PEMT: variants seen among roughly 807,000 people sequenced by gnomAD.
PEMT encodes phospholipid methyltransferase.
PEMT carries 23 observed loss-of-function variants against 27.4 expected under a neutral mutation model. The ratio of observed to expected loss-of-function variants is 0.84; its 90% CI spans 0.60 to 1.19. The LOEUF (loss-of-function observed/expected upper bound fraction) is 1.19. Ranked by LOEUF, PEMT falls within the 50% of genes most tolerant of loss-of-function variation. The pLI is 0.00. For missense variants in PEMT, 307 were observed against 310.1 expected (o/e 0.99, Z 0.07); for synonymous variants, 137 against 139.1 (o/e 0.98, Z 0.11).
chr17:17,508,714 A>AC (rs1906102811), intron 5 of PEMT: 4 of 452,348 alleles, frequency 8.8e-6, no homozygotes, highest in Admixed American at 7.6e-5. Flanking sequence ...AGGTCCTCTG[A>AC]CCCGCCGGGG....
upstream of PEMT, chr17:17,592,059 G>C: frequency 1.0e-6 from 1 of 985,442 alleles, no homozygotes; most frequent in Non-Finnish European, 1.2e-6. Context: ...GCCTCCTGCG[G>C]ACTTGGACTT....
Position 17,577,041 on chromosome 17 carries a change from G to GCTA in PEMT, c.97-17_97-15dup. ...GCAGAAGTCTGCCTGCAGGGACAGA[G>GCTA]CTAGCATCAGCACCACCCAGACACA... On this transcript the variant is annotated splice_polypyrimidine_tract_variant and intron_variant, in intron 1 of 6. Coordinates refer to ENST00000255389, the MANE Select transcript of PEMT (RefSeq NM_148172.3). 6.3e-7 allele frequency: 1 copy of GCTA among 1,592,304 alleles called. No individual in the cohort carries two copies. The highest frequency in any genetic ancestry group is 8.6e-7 in the Non-Finnish European group (1 of 1,160,492).
At chr17:17,516,749 G>A (rs930861722) in intron 3 of PEMT, among the ~76,000 whole-genome samples, 2 of 152,064 alleles carry the variant, frequency 1.3e-5, no homozygotes, top group South Asian at 2.1e-4. Context: ...CACTCTTGCC[G>A]AACTGCAGCC....
At chr17:17,557,493 T>C (rs1910141424) in intron 2 of PEMT, among the ~76,000 whole-genome samples, 1 of 152,212 alleles carries the variant, frequency 6.6e-6, no homozygotes, top group African/African-American at 2.4e-5. Flanking sequence ...CCTCAGAGGC[T>C]CCTGGCTCGC....
intron 2 of PEMT, among the ~76,000 whole-genome samples, chr17:17,569,557 C>T (rs1047175391): frequency 5.3e-5 from 8 of 152,178 alleles, no homozygotes; most frequent in East Asian, 1.9e-4. Context: ...AGGAAACCGG[C>T]GTGACCCCGT....
intron 2 of PEMT, among the ~76,000 whole-genome samples, chr17:17,555,518 T>G (rs1373077135): frequency 6.6e-6 from 1 of 152,056 alleles, no homozygotes; most frequent in Non-Finnish European, 1.5e-5. Flanking sequence ...CAGAAGAGGG[T>G]GGGGGTGCCA....
chr17:17,512,498 C>T lies in PEMT; in HGVS notation c.466+11G>A. ...TCCTGCTCAGGGTCACCCCAGCCCT[C>T]AGGGTCTTACCTAGGAAAGTTCCAG... is the stretch of plus-strand genomic sequence containing the variant. On this transcript the variant is annotated intron_variant, in intron 4 of 6. Transcript: ENST00000255389. The surrounding 1 kb of genome is among the most constrained non-coding windows in gnomAD (Gnocchi z 6.3). 6.3e-7 allele frequency: 1 copy of T among 1,578,138 alleles called. No individual in the cohort carries two copies.
At chr17:17,545,973 G>A (rs1403764456) in intron 2 of PEMT, among the ~76,000 whole-genome samples, 1 of 152,190 alleles carries the variant, frequency 6.6e-6, no homozygotes, top group Non-Finnish European at 1.5e-5. Context: ...CTTCTGGAAG[G>A]AGGCCACGAC....
chr17:17,545,756 T>A (rs1471810827), intron 2 of PEMT, among the ~76,000 whole-genome samples: 1 of 152,184 alleles, frequency 6.6e-6, no homozygotes, highest in Non-Finnish European at 1.5e-5. Context: ...GTTTTAGAGA[T>A]GCTATGATGG....
intron 1 of PEMT, among the ~76,000 whole-genome samples, chr17:17,590,086 C>T (rs1912514358): frequency 6.7e-6 from 1 of 149,572 alleles, no homozygotes; most frequent in Admixed American, 6.6e-5. Context: ...TACACGGTGG[C>T]TTCTGAGGGC....
chr17:17,577,103 T>C, intron 1 of PEMT, 76 bp from the exon 2 acceptor site: 1 of 1,132,980 alleles, frequency 8.8e-7, no homozygotes, highest in Non-Finnish European at 1.3e-6. Flanking sequence ...GGAGAAAAAG[T>C]TACCCTCTGG....
chr17:17,518,244 G>T, intron 3 of PEMT: 1 of 812,256 alleles, frequency 1.2e-6, no homozygotes, highest in Non-Finnish European at 1.5e-6. Context: ...CTGCAGCCCA[G>T]TCCTGTGAAG....
At chr17:17,506,652 T>G (rs1905880175) in intron 5 of PEMT, among the ~76,000 whole-genome samples, 1 of 152,154 alleles carries the variant, frequency 6.6e-6, no homozygotes, top group Non-Finnish European at 1.5e-5. Context: ...GGGCTGTTCA[T>G]TCCCGCACAG....
In PEMT at chr17:17,582,378, T is replaced by C; in HGVS notation, c.97-5351A>G. ...CATGGGTAAGGAAGAGGCTTTATGGTAATTTACTCCATTGAGGGGTGCAGG... is the reference window on the plus strand; with the variant it reads ...CATGGGTAAGGAAGAGGCTTTATGGCAATTTACTCCATTGAGGGGTGCAGG... On this transcript the variant is annotated intron_variant, in intron 1 of 6. Transcript: ENST00000255389. This position sits in a 1 kb window ranked among gnomAD's most constrained non-coding sequence, Gnocchi z 4.9. 1 of 985,404 alleles carries C rather than the reference T, an allele frequency of 1.0e-6. No homozygotes were observed. Among genetic ancestry groups the C allele is most frequent in the South Asian group, 4.7e-5 (1 of 21,280 alleles). 61.0% of individuals were successfully genotyped at this position (985,404 alleles called of 1,614,324 possible).
intron 1 of PEMT, chr17:17,578,696 C>T (rs541458909): frequency 6.6e-6 from 1 of 152,070 alleles, no homozygotes; most frequent in African/African-American, 2.4e-5. Flanking sequence ...ATGGCCCCTG[C>T]ACAAGGGTGA....
At chr17:17,532,546 A>C (rs1384468684) in intron 2 of PEMT, among the ~76,000 whole-genome samples, 1 of 152,218 alleles carries the variant, frequency 6.6e-6, no homozygotes, top group East Asian at 1.9e-4. Flanking sequence ...CAGACATCCC[A>C]TGTTCATGGA....
intron 2 of PEMT, among the ~76,000 whole-genome samples, chr17:17,528,338 T>G (rs1348649552): frequency 6.6e-6 from 1 of 152,180 alleles, no homozygotes; most frequent in Non-Finnish European, 1.5e-5. Flanking sequence ...GCCTTGCGGC[T>G]CCGGCAAGAT....
chr17:17,580,713 C>G (rs2142752964), intron 1 of PEMT, among the ~76,000 whole-genome samples: 1 of 152,316 alleles, frequency 6.6e-6, no homozygotes, highest in Middle Eastern at 3.4e-3. Context: ...CATTCAGCCC[C>G]CAGCCAAAAC....
intron 2 of PEMT, among the ~76,000 whole-genome samples, chr17:17,553,445 C>A (rs1909811190): frequency 6.6e-6 from 1 of 152,234 alleles, no homozygotes. Flanking sequence ...GGCAACCACA[C>A]ACACAGGCCC....
Sources: allele counts gnomAD v4.1 joint callset (sites outside exome capture counted in the v4.1 genomes callset), GRCh38; gene constraint gnomAD v4.1.1; non-coding constraint Gnocchi (gnomAD v3.1); transcripts MANE v1.5; gene names NCBI Gene and HGNC (gene_info 2026-07-23, HGNC 2026-07-21).